FAM161A: variants seen among roughly 807,000 people sequenced by gnomAD.
The protein encoded by FAM161A is FAM161 centrosomal protein A.
In FAM161A, 57 loss-of-function variants were observed where a neutral mutation model predicts 70.9. That is an observed-to-expected ratio of 0.80 (90% confidence interval 0.65 to 1.00). FAM161A has a LOEUF of 1.00. FAM161A is among the 50% of genes least tolerant of loss of function. The pLI is 0.00. For missense variants in FAM161A, 880 were observed against 836.0 expected (o/e 1.05, Z -0.65); for synonymous variants, 299 against 295.7 (o/e 1.01, Z -0.12).
intron 6 of FAM161A, 41 bp from the exon 7 acceptor site, chr2:61,826,640 G>GT: frequency 1.3e-6 from 2 of 1,573,974 alleles, no homozygotes. Context: ...GGAAAAATGA[G>GT]TTGGTTTAAA....
At chr2:61,846,950 G>A in intron 1 of FAM161A, 1 of 454,702 alleles carries the variant, frequency 2.2e-6, no homozygotes, top group South Asian at 1.6e-5. Flanking sequence ...GGTCACTTGA[G>A]GTCAGGAATC....
chr2:61,846,376 G>A (rs144599463), intron 1 of FAM161A, among the ~76,000 whole-genome samples: 70 of 152,270 alleles, frequency 4.6e-4, no homozygotes, highest in African/African-American at 1.5e-3. Flanking sequence ...TACTGGTCAC[G>A]TGGTTTCAGC....
the FAM161A span, among the ~76,000 whole-genome samples, chr2:61,817,394 C>T: frequency 2.0e-5 from 3 of 152,118 alleles, no homozygotes; most frequent in Non-Finnish European, 2.9e-5. Context: ...TCTTAATCAG[C>T]CATATTAGGA....
intron 6 of FAM161A, among the ~76,000 whole-genome samples, chr2:61,826,818 TTG>T (rs1438233901): frequency 2.0e-5 from 3 of 152,224 alleles, no homozygotes; most frequent in Non-Finnish European, 4.4e-5. Context: ...ATTTGAGTGA[TTG>T]TTTCTTTAAA....
chr2:61,826,646 T>C, intron 6 of FAM161A, 47 bp from the exon 7 acceptor site: 2 of 1,553,046 alleles, frequency 1.3e-6, no homozygotes, highest in Non-Finnish European at 1.8e-6. Flanking sequence ...ATGAGTTGGT[T>C]TAAAGGTAAA....
the FAM161A span, among the ~76,000 whole-genome samples, chr2:61,811,116 C>CA: frequency 0.31 from 46,995 of 152,012 alleles, 7,460 homozygotes; most frequent in Middle Eastern, 0.37. Context: ...ATCCTGAATC[C>CA]AATATTTCTA....
At chr2:61,805,372 C>T in the FAM161A span, among the ~76,000 whole-genome samples, 14 of 152,072 alleles carry the variant, frequency 9.2e-5, no homozygotes, top group African/African-American at 2.9e-4. Context: ...AAAATTTAGC[C>T]GGGCTTGGTG....
the FAM161A span, among the ~76,000 whole-genome samples, chr2:61,805,291 G>A: frequency 4.6e-5 from 7 of 152,168 alleles, no homozygotes; most frequent in Admixed American, 1.3e-4. Context: ...CAAGGTGGAT[G>A]TATCACCTGA....
chr2:61,852,908 A>G (rs572719349), intron 1 of FAM161A, among the ~76,000 whole-genome samples: 3 of 150,708 alleles, frequency 2.0e-5, no homozygotes, highest in Admixed American at 6.6e-5. Flanking sequence ...TTCTATCTGC[A>G]GATTGCTAGT....
At position 61,838,673 on chromosome 2, in the gene FAM161A, T is replaced by C; in HGVS notation, c.1616A>G (p.Glu539Gly). Residue 539 changes from glutamate (E) to glycine (G), a missense_variant, in exon 4 of 7, where the codon GAA (glutamate) becomes GGA (glycine). By Grantham distance (98) the Glu-to-Gly change is moderately conservative. Coordinates refer to ENST00000404929, the MANE Select transcript of FAM161A (RefSeq NM_001201543.2). Reference sequence around the variant, plus strand: ...TTTAGTTAGGATCCGATTTCTCTCTTCTTCCAACATTTTCTTTTCCTCAAG... The same window carrying C: ...TTTAGTTAGGATCCGATTTCTCTCTCCTTCCAACATTTTCTTTTCCTCAAG... ...RSLEEKKMLE[E>G]ERNRILTKQK... The C allele has an allele frequency of 6.2e-7, 1 of 1,608,900 alleles. No homozygotes were observed. The highest frequency in any genetic ancestry group is 8.5e-7 in the Non-Finnish European group (1 of 1,178,214).
chr2:61,809,400 C>T, the FAM161A span, among the ~76,000 whole-genome samples: 4,798 of 152,232 alleles, frequency 0.032, 243 homozygotes, highest in African/African-American at 0.11. Flanking sequence ...TCAATGACTC[C>T]CAAATTGAGT....
At chr2:61,820,581 G>A (rs889653294), downstream of FAM161A, 3 of 730,414 alleles carry the variant, frequency 4.1e-6, no homozygotes, top group African/African-American at 5.2e-5. Flanking sequence ...GGATAAATGT[G>A]AACACTGCTA....
intron 3 of FAM161A, among the ~76,000 whole-genome samples, 164 bp from the exon 4 acceptor site, chr2:61,838,869 T>C (rs1489027469): frequency 7.1e-6 from 1 of 140,172 alleles, no homozygotes; most frequent in African/African-American, 2.9e-5. Flanking sequence ...TATTTATTTA[T>C]TTATTTATTT....
At chr2:61,800,738 C>T in the FAM161A span, among the ~76,000 whole-genome samples, 266 of 152,314 alleles carry the variant, frequency 1.7e-3, no homozygotes, top group African/African-American at 5.7e-3. Flanking sequence ...TGGCTATTGG[C>T]AAGCAGCTGG....
the FAM161A span, among the ~76,000 whole-genome samples, chr2:61,814,924 A>T: frequency 6.6e-6 from 1 of 152,040 alleles, no homozygotes; most frequent in Non-Finnish European, 1.5e-5. Flanking sequence ...CAGGGCTGCC[A>T]CTCTCAGAGT....
At chr2:61,848,023 G>C (rs1388123729) in intron 1 of FAM161A, among the ~76,000 whole-genome samples, 1 of 152,164 alleles carries the variant, frequency 6.6e-6, no homozygotes, top group African/African-American at 2.4e-5. Flanking sequence ...TAAGAAAAAG[G>C]CCTATGTTCC....
At position 61,839,596 on chromosome 2, in the gene FAM161A, C is replaced by T. The variant is rs554664966; in HGVS notation, c.1408G>A (p.Glu470Lys). The T allele has an allele frequency of 6.2e-7, 1 of 1,614,170 alleles. No homozygotes were observed. The highest frequency in any genetic ancestry group is 8.5e-7 in the Non-Finnish European group (1 of 1,180,024). ...GCTTCGATGTCTGCCAAAATTTTTT[C>T]TCTTTTAATAGATGCATGTGGAGAT... The part of the protein sequence containing the change: ...HASPHASIKR[E>K]KILADIEADE... Residue 470 changes from glutamate to lysine, a missense_variant, in exon 3 of 7, where the codon GAA becomes AAA. Transcript: ENST00000404929.
At position 61,839,286 on chromosome 2, in the gene FAM161A, A is replaced by G. The variant is rs1572877443; in HGVS notation, c.1583+135T>C. On this transcript the variant is annotated intron_variant, in intron 3 of 6. Coordinates refer to ENST00000404929, the MANE Select transcript of FAM161A (RefSeq NM_001201543.2). Reference sequence around the variant, plus strand: ...AATACCCTCTGACAAAATATCATATATTATATAGTAAAATATCTTATAGAT... The same window carrying G: ...AATACCCTCTGACAAAATATCATATGTTATATAGTAAAATATCTTATAGAT... 71 of 279,364 alleles carry G rather than the reference A, an allele frequency of 2.5e-4. No homozygotes were observed. In the South Asian group the frequency reaches 4.1e-3, roughly 16 times the overall value. 17.3% of individuals were successfully genotyped at this position (279,364 alleles called of 1,614,324 possible). A position where few individuals can be genotyped will look rare whatever the true frequency, so the allele number is the denominator to read the frequency against.
Position 61,839,599 on chromosome 2 carries a change from T to C in FAM161A, c.1405A>G (p.Arg469Gly), listed in dbSNP as rs564608247. 15 of 1,614,250 alleles carry C rather than the reference T, an allele frequency of 9.3e-6. No homozygotes were observed. The highest frequency in any genetic ancestry group is 1.2e-5 in the Non-Finnish European group (14 of 1,180,040). ...TCGATGTCTGCCAAAATTTTTTCTC[T>C]TTTAATAGATGCATGTGGAGATGCA... ...LHASPHASIK[R>G]EKILADIEAD... is the part of the protein sequence containing the mutation. Residue 469 changes from arginine (R) to glycine (G), a missense_variant, in exon 3 of 7, where the codon AGA becomes GGA. Coordinates refer to ENST00000404929, the MANE Select transcript of FAM161A (RefSeq NM_001201543.2).
Sources: gnomAD v4.1 joint callset for allele counts (sites outside exome capture counted in the v4.1 genomes callset) on GRCh38, gnomAD v4.1.1 for gene constraint, MANE v1.5 for transcripts, NCBI Gene and HGNC (gene_info 2026-07-23, HGNC 2026-07-21) for gene names.